BRAT1: variants seen among roughly 807,000 people sequenced by gnomAD.
BRAT1 encodes BRCA1 associated ATM activator 1, also known as integrator complex assembly factor BRAT1.
In BRAT1, 74 loss-of-function variants were observed where a neutral mutation model predicts 70.6. The observed-to-expected ratio is 1.05, with a 90% CI of 0.87 to 1.27. The LOEUF is 1.27. BRAT1 is among the 50% of genes most tolerant of loss of function. BRAT1 has a pLI of 0.00. For synonymous variants in BRAT1, 615 were observed against 517.1 expected (o/e 1.19, Z -2.57); for missense variants, 1,203 against 1,098.2 (o/e 1.10, Z -1.35).
intron 2 of BRAT1, among the ~76,000 whole-genome samples, chr7:2,551,481 A>G (rs554151730): frequency 6.6e-6 from 1 of 151,708 alleles, no homozygotes; most frequent in African/African-American, 2.4e-5. Flanking sequence ...GCTTGAGCCC[A>G]GGAGTTCCAA....
intron 7 of BRAT1, 70 bp from the exon 8 acceptor site, chr7:2,541,906 C>A (rs1036580010): frequency 1.3e-6 from 2 of 1,509,770 alleles, no homozygotes; most frequent in Non-Finnish European, 9.1e-7. Flanking sequence ...AGCCACCCCA[C>A]GGTCACCACC....
chr7:2,552,903 ATT>A (rs11309965), intron 2 of BRAT1, among the ~76,000 whole-genome samples: 18 of 142,758 alleles, frequency 1.3e-4, no homozygotes, highest in African/African-American at 2.1e-4. Flanking sequence ...ACGTCTGGCT[ATT>A]TTTTTTTTTT....
At position 2,542,188 on chromosome 7, in the gene BRAT1, G is replaced by T; in HGVS notation, c.947C>A (p.Ala316Asp). The change falls in exon 7 of 14, where the codon GCC becomes GAC. Residue 316 changes from alanine to aspartate, a missense_variant. Coordinates refer to ENST00000340611, the MANE Select transcript of BRAT1 (RefSeq NM_152743.4). ...CAGGGGCTGGAGAAGGACCTGGAAG[G>T]CCTGGGTCCTCAGTGCCTGTGGACT... ...EHCPQALRTQ[A>D]FQVLLQPLAC... The T allele has an allele frequency of 6.4e-7, 1 of 1,566,064 alleles. No homozygotes were observed. The highest frequency in any genetic ancestry group is 1.4e-5 in the African/African-American group (1 of 73,886).
intron 2 of BRAT1, among the ~76,000 whole-genome samples, chr7:2,552,106 A>ATATATATATATAAT (rs1245262304): frequency 1.4e-4 from 2 of 14,218 alleles, no homozygotes; most frequent in Non-Finnish European, 1.4e-4. Context: ...ATATATATAT[A>ATATATATATATAAT]TTTTTTTTTT....
At position 2,540,961 on chromosome 7, in the gene BRAT1, C is replaced by G. The variant is rs1041885492; in HGVS notation, c.1395+18G>C. 2.0e-6 allele frequency: 3 copies of G among 1,526,710 alleles called. No individual in the cohort carries two copies. The highest frequency in any genetic ancestry group is 1.4e-5 in the African/African-American group (1 of 69,938). 94.6% of individuals were successfully genotyped at this position (1,526,710 alleles called of 1,614,324 possible). On this transcript the variant is annotated intron_variant, in intron 10 of 13. Transcript: ENST00000340611. ...TCTGCCTCCCTCCTCTCCTCGCTCT[C>G]TATCCCCACCACCGTACCGTGGGGC...
intron 3 of BRAT1, among the ~76,000 whole-genome samples, chr7:2,546,767 T>G (rs1324203188): frequency 6.6e-6 from 1 of 151,978 alleles, no homozygotes; most frequent in Non-Finnish European, 1.5e-5. Flanking sequence ...TAAAAATAAA[T>G]AAAATTAATT....
In BRAT1 at chr7:2,555,096, G is replaced by C. The variant is rs553812700; in HGVS notation, c.-17+391C>G. Among the ~76,000 whole-genome samples the C allele has an allele frequency of 3.7e-3, 553 of 151,022 alleles. 4 individuals are homozygous for C. Among genetic ancestry groups the C allele is most frequent in the African/African-American group, 0.013 (514 of 41,056 alleles). On this transcript the variant is annotated intron_variant, in intron 1 of 13. Transcript: ENST00000340611. ...GTGGTGGCTGCATCTGAAGCCGGCG[G>C]GGGGGAGAGGGGGGCGGCGGGGTGC...
Position 2,547,472 on chromosome 7 carries a change from C to T in BRAT1, c.134G>A (p.Ser45Asn). Residue 45 changes from serine (S) to asparagine (N), a missense_variant, in exon 3 of 14, where the codon AGT becomes AAT. By Grantham distance (46) the Ser-to-Asn change is conservative. Coordinates refer to ENST00000340611, the MANE Select transcript of BRAT1 (RefSeq NM_152743.4). ...WFKTVTEGES[S>N]VVLLQEHPCL... ...GGGGTGCTCCTGCAGCAGCACGACA[C>T]TGGACTCTGTGGGGATGGCCCAGCC... 4 of 1,613,976 alleles carry T rather than the reference C, an allele frequency of 2.5e-6. No homozygotes were observed. The highest frequency in any genetic ancestry group is 3.4e-6 in the Non-Finnish European group (4 of 1,180,020).
rs1018060614 is a variant in BRAT1 at position 2,543,795 on chromosome 7, C to A, written c.598G>T (p.Asp200Tyr). Residue 200 changes from aspartate to tyrosine, a missense_variant, in exon 5 of 14, where the codon GAT (aspartate) becomes TAT (tyrosine). Asp to Tyr is a radical substitution (Grantham distance 160). Coordinates refer to ENST00000340611, the MANE Select transcript of BRAT1 (RefSeq NM_152743.4). This position sits in a 1 kb window ranked among gnomAD's most constrained non-coding sequence, Gnocchi z 5.5. ...DWPACAQKIM[D>Y]HVEESLCSAA... Reference sequence around the variant, plus strand: ...GAGCACAAGGACTCTTCAACGTGATCCATGATCTTCTGGGCACACGCGGGC... The same window carrying A: ...GAGCACAAGGACTCTTCAACGTGATACATGATCTTCTGGGCACACGCGGGC... The A allele has an allele frequency of 5.0e-6, 8 of 1,612,894 alleles. No individual in the cohort carries two copies. The highest frequency in any genetic ancestry group is 2.2e-5 in the East Asian group (1 of 44,868).
At chr7:2,550,518 T>A (rs1298686641) in intron 2 of BRAT1, among the ~76,000 whole-genome samples, 2,091 of 56,740 alleles carry the variant, frequency 0.037, no homozygotes, top group Middle Eastern at 0.09. Flanking sequence ...AAGAAAAAAA[T>A]AATATGTAAA....
chr7:2,539,041 G>A lies in BRAT1; in HGVS notation c.1770+138C>T, dbSNP rs985761102. The A allele has an allele frequency of 4.8e-6, 7 of 1,445,744 alleles. No homozygotes were observed. The South Asian group carries it at 5.6e-5, about 12-fold the overall frequency. The allele number at this position is 1,445,744 out of a possible 1,614,324, so 89.6% of individuals were successfully genotyped here. On this transcript the variant is annotated intron_variant, in intron 13 of 13. Transcript: ENST00000340611. ...ACACCCAGCACAGCCCCAGGGCCTC[G>A]GCAGTCACTGCTGCAGGCGCTGCCC... is the stretch of plus-strand genomic sequence containing the variant.
chr7:2,539,693 GC>G, intron 11 of BRAT1, 51 bp from the exon 12 acceptor site: 1 of 1,551,958 alleles, frequency 6.4e-7, no homozygotes, highest in Non-Finnish European at 8.7e-7. Flanking sequence ...GGCTCACCCT[GC>G]CCTCAGAGCC....
chr7:2,543,529 G>A lies in BRAT1; in HGVS notation c.803+61C>T, dbSNP rs1779346561. 6.7e-7 allele frequency: 1 copy of A among 1,496,070 alleles called. No homozygotes were observed. Among genetic ancestry groups the A allele is most frequent in the African/African-American group, 1.4e-5 (1 of 71,378 alleles). The allele number at this position is 1,496,070 out of a possible 1,614,324, so 92.7% of individuals were successfully genotyped here. On this transcript the variant is annotated intron_variant, in intron 5 of 13. Coordinates refer to ENST00000340611, the MANE Select transcript of BRAT1 (RefSeq NM_152743.4). This position sits in a 1 kb window ranked among gnomAD's most constrained non-coding sequence, Gnocchi z 5.5. The stretch of plus-strand genomic sequence containing the variant: ...CCGGCTGCCAGTGGGACATCCCTGG[G>A]CGTTATCCGAGGAAAACAGTTGCCC...
At chr7:2,547,567 C>G in intron 2 of BRAT1, 89 bp from the exon 3 acceptor site, 1 of 1,433,854 alleles carries the variant, frequency 7.0e-7, no homozygotes, top group Admixed American at 2.0e-5. Flanking sequence ...AATTCCCAGA[C>G]CCTTTTCTTG....
chr7:2,547,833 C>T (rs1583324678), intron 2 of BRAT1, among the ~76,000 whole-genome samples: 2 of 152,262 alleles, frequency 1.3e-5, no homozygotes, highest in East Asian at 3.9e-4. Context: ...CCTGTAATCC[C>T]AACACGTTAG....
chr7:2,540,888 C>T (rs1779094152), intron 10 of BRAT1, 91 bp downstream of exon 10: 3 of 1,274,840 alleles, frequency 2.4e-6, no homozygotes, highest in Admixed American at 3.6e-5. Flanking sequence ...GCCCCATCCG[C>T]AGAGGCCTGC....
intron 10 of BRAT1, 95 bp from the exon 11 acceptor site, chr7:2,539,983 A>G (rs1583296730): frequency 5.7e-6 from 5 of 876,262 alleles, no homozygotes; most frequent in Non-Finnish European, 8.4e-6. Context: ...CCCGTACTCC[A>G]GGGACAGCAA....
Position 2,538,019 on chromosome 7 carries a change from T to C in BRAT1, c.*50A>G, listed in dbSNP as rs1282823429. The C allele has an allele frequency of 1.0e-5, 15 of 1,493,876 alleles. No homozygotes were observed. The highest frequency in any genetic ancestry group is 1.4e-5 in the African/African-American group (1 of 71,620). The allele number at this position is 1,493,876 out of a possible 1,614,324, so 92.5% of individuals were successfully genotyped here. A position where few individuals can be genotyped will look rare whatever the true frequency, so the allele number is the denominator to read the frequency against. On this transcript the variant is annotated 3_prime_UTR_variant, in exon 14 of 14. Transcript: ENST00000340611. Reference sequence around the variant, plus strand: ...GCTGGCAGTGTCCCACAGAAGGACATGGTGCTGCCTCCCTTGGTCCTGAGC... The same window carrying C: ...GCTGGCAGTGTCCCACAGAAGGACACGGTGCTGCCTCCCTTGGTCCTGAGC...
rs1028978875 is a variant in BRAT1, at chr7:2,542,130, G to A, written c.1005C>T (p.Pro335=). Reference sequence around the variant, plus strand: ...TTCTAAGCAGCACACCTGGGGGTCCGGGGGCCTGAACCGTGGCCTTCAGGA... The same window carrying A: ...TTCTAAGCAGCACACCTGGGGGTCCAGGGGCCTGAACCGTGGCCTTCAGGA... ...ACVLKATVQA[P]GPPGLLDGTA... is the part of the protein sequence containing the mutation. Residue 335 remains proline (P), a synonymous_variant, in exon 7 of 14, where the codon CCC becomes CCT. Coordinates refer to ENST00000340611, the MANE Select transcript of BRAT1 (RefSeq NM_152743.4). The A allele has an allele frequency of 2.0e-5, 31 of 1,552,068 alleles. No homozygotes were observed. The highest frequency in any genetic ancestry group is 3.6e-5 in the South Asian group (3 of 83,444).
Sources: allele counts gnomAD v4.1 joint callset (sites outside exome capture counted in the v4.1 genomes callset), GRCh38; gene constraint gnomAD v4.1.1; non-coding constraint Gnocchi (gnomAD v3.1); transcripts MANE v1.5; gene names NCBI Gene and HGNC (gene_info 2026-07-23, HGNC 2026-07-21).